The following SENP2 variants were observed in gnomAD, a reference collection of about 807,000 sequenced individuals.
SENP2 encodes the protein SUMO specific peptidase 2.
Under a neutral mutation model 86.3 loss-of-function variants are expected in SENP2, and 16 were observed. That is an observed-to-expected ratio of 0.19 (90% CI 0.13 to 0.28). SENP2 has a LOEUF of 0.28. SENP2 is among the 10% of genes least tolerant of loss of function. The probability of loss-of-function intolerance (pLI) is 1.00; values close to 1 mark genes in which losing one functional copy is unlikely to be tolerated. For synonymous variants in SENP2, 222 were observed against 238.7 expected (o/e 0.93, Z 0.64); for missense variants, 552 against 703.0 (o/e 0.79, Z 2.43).
At chr3:185,616,644 G>A (rs369840467) in intron 11 of SENP2, among the ~76,000 whole-genome samples, 192 of 152,048 alleles carry the variant, frequency 1.3e-3, no homozygotes, top group Non-Finnish European at 2.4e-3. Flanking sequence ...GCGTGGTGGC[G>A]GGCGCCTGTC....
chr3:185,586,632 A>G lies in SENP2; in HGVS notation c.101+118A>G, dbSNP rs1222141394. 2.2e-6 allele frequency: 2 copies of G among 925,688 alleles called. No individual in the cohort carries two copies. Among genetic ancestry groups the G allele is most frequent in the Admixed American group, 2.2e-5 (1 of 44,580 alleles). The allele number at this position is 925,688 out of a possible 1,614,324, so 57.3% of individuals were successfully genotyped here. A position where few individuals can be genotyped will look rare whatever the true frequency, so the allele number is the denominator to read the frequency against. On this transcript the variant is annotated intron_variant, in intron 1 of 16. Coordinates refer to ENST00000296257, the MANE Select transcript of SENP2 (RefSeq NM_021627.3). This position sits in a 1 kb window ranked among gnomAD's most constrained non-coding sequence, Gnocchi z 4.3. ...ACCCGAAACAGGTCGCCGGGATCCT[A>G]GTGACGTAGTCGCTCCCGCCAGGCT...
Position 185,628,125 on chromosome 3 carries a change from C to T in SENP2, c.1708-1657C>T, listed in dbSNP as rs1712231861. On this transcript the variant is annotated intron_variant, in intron 16 of 16. Coordinates refer to ENST00000296257, the MANE Select transcript of SENP2 (RefSeq NM_021627.3). The stretch of plus-strand genomic sequence containing the variant: ...GCCCCCACCCCTAGGGAGGACATCA[C>T]TAGTTTATTATTATTATTATTATTA... 2.6e-5 allele frequency among the ~76,000 whole-genome samples: 4 copies of T among 151,960 alleles called. No homozygotes were observed. The South Asian group carries it at 8.3e-4, about 32-fold the overall frequency.
Position 185,631,188 on chromosome 3 carries a change from A to C in SENP2, c.*1344A>C, listed in dbSNP as rs1338432010. The C allele has an allele frequency of 6.6e-6, 1 of 151,056 alleles. No homozygotes were observed. The highest frequency in any genetic ancestry group is 1.5e-5 in the Non-Finnish European group (1 of 67,644). The allele number at this position is 151,056 out of a possible 1,614,324, so 9.4% of individuals were successfully genotyped here. On this transcript the variant is annotated 3_prime_UTR_variant, in exon 17 of 17. Transcript: ENST00000296257. ...CATAAAAGCAAGAGGTAAAACTGGA[A>C]AAATTGTGCACGTGTTACCTATGAA...
At chr3:185,619,577 C>G in intron 13 of SENP2, 75 bp downstream of exon 13, 2 of 1,233,962 alleles carry the variant, frequency 1.6e-6, no homozygotes, top group East Asian at 2.3e-5. Context: ...CTGCCTTTTT[C>G]TGCCCTGTGT....
rs969416362 is a variant in SENP2, at chr3:185,632,990, G to A, written c.*3146G>A. On this transcript the variant is annotated 3_prime_UTR_variant, in exon 17 of 17. Transcript: ENST00000296257. ...ACCTTGAACAGAGCTGGATGGGGGT[G>A]GGAGGGAAACAGATTTGGGGCATAT... 1.3e-5 allele frequency: 2 copies of A among 152,202 alleles called. No homozygotes were observed. Among genetic ancestry groups the A allele is most frequent in the Admixed American group, 1.3e-4 (2 of 15,272 alleles). The allele number at this position is 152,202 out of a possible 1,614,324, so 9.4% of individuals were successfully genotyped here.
At chr3:185,614,535 C>A in intron 10 of SENP2, 29 bp from the exon 11 acceptor site, 1 of 1,571,340 alleles carries the variant, frequency 6.4e-7, no homozygotes, top group South Asian at 1.1e-5. Context: ...TCAAACATGT[C>A]AGTAGAATTT....
In SENP2 at chr3:185,590,098, T is replaced by TC. The variant is rs1421794699; in HGVS notation, c.102-15dup. Reference sequence around the variant, plus strand: ...GTAAATCTATATATATATATTTTTTTCTTTCTCTTTTTCAGCACTCTGTTT... The same window carrying TC: ...GTAAATCTATATATATATATTTTTTTCCTTTCTCTTTTTCAGCACTCTGTTT... On this transcript the variant is annotated splice_polypyrimidine_tract_variant and intron_variant, in intron 1 of 16. Transcript: ENST00000296257. 1.4e-6 allele frequency: 2 copies of TC among 1,448,656 alleles called. No individual in the cohort carries two copies. Among genetic ancestry groups the TC allele is most frequent in the Non-Finnish European group, 1.9e-6 (2 of 1,072,966 alleles). 89.7% of individuals were successfully genotyped at this position (1,448,656 alleles called of 1,614,324 possible).
intron 2 of SENP2, 73 bp downstream of exon 2, chr3:185,590,242 G>A: frequency 2.5e-6 from 2 of 787,444 alleles, no homozygotes; most frequent in Non-Finnish European, 4.0e-6. Context: ...AAATTCAAAA[G>A]GTAAAAAGTA....
rs1165924511 is a variant in SENP2, at chr3:185,632,027, T to C, written c.*2183T>C. On this transcript the variant is annotated 3_prime_UTR_variant, in exon 17 of 17. Transcript: ENST00000296257. The stretch of plus-strand genomic sequence containing the variant: ...TTCTGCTTGACCCTGAGTTCCTGAA[T>C]TGAATGTGGGAGACCACAGGCCATA... 3 of 151,540 alleles carry C rather than the reference T, an allele frequency of 2.0e-5. No individual in the cohort carries two copies. In the South Asian group the frequency reaches 6.3e-4, roughly 32 times the overall value. 9.4% of individuals were successfully genotyped at this position (151,540 alleles called of 1,614,324 possible). A position where few individuals can be genotyped will look rare whatever the true frequency, so the allele number is the denominator to read the frequency against.
intron 6 of SENP2, among the ~76,000 whole-genome samples, chr3:185,607,486 G>A (rs988626897): frequency 1.3e-5 from 2 of 151,728 alleles, no homozygotes; most frequent in Non-Finnish European, 2.9e-5. Flanking sequence ...GTGCCACCAC[G>A]CCTGGCTAAT....
At chr3:185,625,227 T>A (rs960770529) in intron 15 of SENP2, among the ~76,000 whole-genome samples, 2 of 151,876 alleles carry the variant, frequency 1.3e-5, no homozygotes, top group Non-Finnish European at 2.9e-5. Flanking sequence ...TTCTCCTGCC[T>A]CAGCCTCCCG....
chr3:185,603,524 C>T (rs903598527), intron 5 of SENP2, among the ~76,000 whole-genome samples: 8 of 152,098 alleles, frequency 5.3e-5, no homozygotes, highest in African/African-American at 1.9e-4. Flanking sequence ...TACCTGGTAA[C>T]TAAATGCATG....
rs866572415 is a variant in SENP2 at position 185,599,814 on chromosome 3, T to C, written c.358+790T>C. On this transcript the variant is annotated intron_variant, in intron 4 of 16. Transcript: ENST00000296257. Reference sequence around the variant, plus strand: ...AACTTGATATTTCTTTCTTTCTTTTTTTTTTTTTTTTTGAGATGGAGTTTC... The same window carrying C: ...AACTTGATATTTCTTTCTTTCTTTTCTTTTTTTTTTTTGAGATGGAGTTTC... 4.4e-3 allele frequency among the ~76,000 whole-genome samples: 667 copies of C among 150,834 alleles called. 6 individuals carry two copies. Among genetic ancestry groups the C allele is most frequent in the African/African-American group, 0.015 (612 of 41,282 alleles).
At position 185,586,438 on chromosome 3, in the gene SENP2, C is replaced by G. The variant is rs377283543; in HGVS notation, c.25C>G (p.Leu9Val). MYRWLVRI[L>V]GTIFRFCDRS... ...TATGTACAGATGGCTGGTTAGGATT[C>G]TCGGCACCATTTTCCGTTTCTGCGA... Residue 9 changes from leucine to valine, a missense_variant, in exon 1 of 17, where the codon CTC (leucine) becomes GTC (valine). Leu to Val is a conservative substitution (Grantham distance 32, BLOSUM62 1). Coordinates refer to ENST00000296257, the MANE Select transcript of SENP2 (RefSeq NM_021627.3). This position sits in a 1 kb window ranked among gnomAD's most constrained non-coding sequence, Gnocchi z 4.3. The G allele has an allele frequency of 3.7e-6, 6 of 1,614,104 alleles. No homozygotes were observed. The highest frequency in any genetic ancestry group is 4.2e-6 in the Non-Finnish European group (5 of 1,180,000).
intron 11 of SENP2, among the ~76,000 whole-genome samples, 200 bp from the exon 12 acceptor site, chr3:185,617,280 A>G (rs1416993646): frequency 1.3e-5 from 2 of 152,202 alleles, no homozygotes; most frequent in African/African-American, 2.4e-5. Flanking sequence ...AACTTGGGCA[A>G]TATAATGAGG....
chr3:185,616,083 G>C (rs1194626058), intron 11 of SENP2, among the ~76,000 whole-genome samples: 1 of 148,344 alleles, frequency 6.7e-6, no homozygotes, highest in Non-Finnish European at 1.5e-5. Context: ...GGCTGGTCTC[G>C]AACTCCTGAC....
chr3:185,614,768 A>G (rs1199357621), intron 11 of SENP2, 28 bp downstream of exon 11: 2 of 1,601,474 alleles, frequency 1.2e-6, no homozygotes, highest in African/African-American at 2.7e-5. Context: ...GATCCTAAAA[A>G]GAGGCATGTC....
chr3:185,619,775 T>A (rs1711772344), intron 13 of SENP2, among the ~76,000 whole-genome samples: 1 of 152,130 alleles, frequency 6.6e-6, no homozygotes, highest in Admixed American at 6.5e-5. Context: ...TTGCCCAGGC[T>A]GGAGTGAACT....
Position 185,631,902 on chromosome 3 carries a change from C to T in SENP2, c.*2058C>T, listed in dbSNP as rs1712496632. The T allele has an allele frequency of 6.6e-6, 1 of 151,566 alleles. No individual in the cohort carries two copies. Among genetic ancestry groups the T allele is most frequent in the East Asian group, 2.0e-4 (1 of 4,996 alleles). 9.4% of individuals were successfully genotyped at this position (151,566 alleles called of 1,614,324 possible). A position where few individuals can be genotyped will look rare whatever the true frequency, so the allele number is the denominator to read the frequency against. On this transcript the variant is annotated 3_prime_UTR_variant, in exon 17 of 17. Transcript: ENST00000296257. Reference sequence around the variant, plus strand: ...AGGGGCTTCTTCAGAGCAGTTCTCACTGAGCTTTCCATTAACCTACACTCT... The same window carrying T: ...AGGGGCTTCTTCAGAGCAGTTCTCATTGAGCTTTCCATTAACCTACACTCT...
Sources: allele counts gnomAD v4.1 joint callset (sites outside exome capture counted in the v4.1 genomes callset), GRCh38; gene constraint gnomAD v4.1.1; non-coding constraint Gnocchi (gnomAD v3.1); transcripts MANE v1.5; gene names NCBI Gene and HGNC (gene_info 2026-07-23, HGNC 2026-07-21).